The following ZFYVE28 variants were observed in gnomAD, a reference collection of about 807,000 sequenced individuals.
ZFYVE28 encodes the protein lateral signaling target protein 2 homolog.
Under a neutral mutation model 82.1 loss-of-function variants are expected in ZFYVE28, and 40 were observed. That is an observed-to-expected ratio of 0.49 (90% CI 0.38 to 0.63). The LOEUF (loss-of-function observed/expected upper bound fraction) is 0.63, where lower values mean the gene tolerates loss of function less well. Ranked by LOEUF, ZFYVE28 falls within the 30% of genes least tolerant of loss-of-function variation. The probability of loss-of-function intolerance (pLI) is 0.00; values close to 1 mark genes in which losing one functional copy is unlikely to be tolerated. For synonymous variants in ZFYVE28, 612 were observed against 546.1 expected, an observed-to-expected ratio of 1.12 and a Z score of -1.68; for missense variants, 1,321 against 1,242.1, an observed-to-expected ratio of 1.06 and a Z score of -0.96.
In ZFYVE28 at chr4:2,320,073, G is replaced by T; in HGVS notation, c.803+97C>A. ...AGCCCATCCTTCCTCACAGAGAGGA[G>T]GAGGACCTGGAGGCGGCGGCTAAAC... On this transcript the variant is annotated intron_variant, in intron 7 of 12. Transcript: ENST00000290974. This position sits in a 1 kb window ranked among gnomAD's most constrained non-coding sequence, Gnocchi z 5.1. The T allele has an allele frequency of 8.9e-7, 1 of 1,129,480 alleles. No individual in the cohort carries two copies. The highest frequency in any genetic ancestry group is 1.3e-6 in the Non-Finnish European group (1 of 763,898). 70.0% of individuals were successfully genotyped at this position (1,129,480 alleles called of 1,614,324 possible). A position where few individuals can be genotyped will look rare whatever the true frequency, so the allele number is the denominator to read the frequency against.
At position 2,304,498 on chromosome 4, in the gene ZFYVE28, G is replaced by A. The variant is rs1716197531; in HGVS notation, c.1842C>T (p.Pro614=). 1.2e-6 allele frequency: 2 copies of A among 1,612,806 alleles called. No individual in the cohort carries two copies. Among genetic ancestry groups the A allele is most frequent in the Non-Finnish European group, 1.7e-6 (2 of 1,179,640 alleles). ...CGTTGGAGGCATCTTCTGAGGGTGG[G>A]GGCGCCTCCTCCTGTCTCTCAGGGG... The part of the protein sequence containing the change: ...DRAPERQEEA[P]PPSEDASNGR... Residue 614 remains proline (P), a synonymous_variant, in exon 8 of 13, where the codon CCC becomes CCT. Transcript: ENST00000290974.
chr4:2,285,969 C>T (rs763722383), intron 8 of ZFYVE28: 44 of 152,536 alleles, frequency 2.9e-4, no homozygotes, highest in African/African-American at 4.1e-4. Flanking sequence ...CATATTCCTC[C>T]GGTCTCAGGG....
rs755483258 is a variant in ZFYVE28 at position 2,304,777 on chromosome 4, G to C, written c.1563C>G (p.Pro521=). Residue 521 remains proline (P), a synonymous_variant, in exon 8 of 13, where the codon CCC becomes CCG. Transcript: ENST00000290974. ...CAGAGTCCAGGGAAGTGGGCGATTT[G>C]GGGTTGAAGATGACCGTGGCTGAGA... ...MKLSATVIFN[P]KSPTSLDSAV... The C allele has an allele frequency of 8.7e-6, 14 of 1,612,708 alleles. No homozygotes were observed. Among genetic ancestry groups the C allele is most frequent in the Non-Finnish European group, 1.2e-5 (14 of 1,179,966 alleles).
intron 1 of ZFYVE28, among the ~76,000 whole-genome samples, chr4:2,404,175 A>G (rs1048568025): frequency 2.4e-4 from 36 of 151,676 alleles, no homozygotes; most frequent in Non-Finnish European, 2.9e-4. Flanking sequence ...AAAAAAAATT[A>G]TCCAGGCATG....
At chr4:2,403,278 G>A (rs1731394333) in intron 1 of ZFYVE28, among the ~76,000 whole-genome samples, 1 of 152,244 alleles carries the variant, frequency 6.6e-6, no homozygotes, top group East Asian at 1.9e-4. Flanking sequence ...AGGGATCTGA[G>A]ATGGGCAAAG....
chr4:2,401,124 G>A (rs1209650788), intron 1 of ZFYVE28, among the ~76,000 whole-genome samples: 6 of 152,170 alleles, frequency 3.9e-5, no homozygotes, highest in African/African-American at 7.2e-5. Context: ...CAGGTGGGCC[G>A]TCACGAGCCT....
In ZFYVE28 at chr4:2,273,244, C is replaced by T. The variant is rs551017486; in HGVS notation, c.2252G>A (p.Ser751Asn). The T allele has an allele frequency of 1.2e-6, 2 of 1,613,692 alleles. No individual in the cohort carries two copies. The highest frequency in any genetic ancestry group is 1.7e-6 in the Non-Finnish European group (2 of 1,179,890). The change falls in exon 10 of 13, where the codon AGT (serine) becomes AAT (asparagine). Residue 751 changes from serine to asparagine, a missense_variant. By Grantham distance (46) the Ser-to-Asn change is conservative. Transcript: ENST00000290974. ...GACCTCAAACAGTGTTTTAAGAATACTTCTCAGGTCACTGGCATAGTTCGT... is the reference window on the plus strand; with the variant it reads ...GACCTCAAACAGTGTTTTAAGAATATTTCTCAGGTCACTGGCATAGTTCGT... ...LQTNYASDLR[S>N]ILKTLFEVMA... is the part of the protein sequence containing the mutation.
intron 6 of ZFYVE28, among the ~76,000 whole-genome samples, chr4:2,327,727 G>T (rs1030928688): frequency 6.6e-6 from 1 of 151,992 alleles, no homozygotes; most frequent in Non-Finnish European, 1.5e-5. Flanking sequence ...TTAATGTGAT[G>T]TATCACAATT....
chr4:2,390,548 G>A lies in ZFYVE28; in HGVS notation c.39+27737C>T, dbSNP rs927063150. Among the ~76,000 whole-genome samples the A allele has an allele frequency of 4.6e-5, 7 of 152,154 alleles. No homozygotes were observed. In the East Asian group the frequency reaches 7.7e-4, roughly 17 times the overall value. ...CTGACAGAAGCTGGAGAAGCCATCT[G>A]GCAGCGAGGTGACCCGGCCAGGTTT... On this transcript the variant is annotated intron_variant, in intron 1 of 12. Transcript: ENST00000290974.
intron 1 of ZFYVE28, among the ~76,000 whole-genome samples, chr4:2,385,172 G>A (rs1268495099): frequency 2.6e-5 from 4 of 152,168 alleles, no homozygotes; most frequent in South Asian, 2.1e-4. Flanking sequence ...GAATACACCC[G>A]CACTGCTGCC....
Position 2,406,062 on chromosome 4 carries a change from A to AGAAAG in ZFYVE28, c.39+12222_39+12223insCTTTC, listed in dbSNP as rs11451239. Among the ~76,000 whole-genome samples the AGAAAG allele has an allele frequency of 2.6e-3, 331 of 125,034 alleles. 2 individuals carry two copies. Among genetic ancestry groups the AGAAAG allele is most frequent in the Middle Eastern group, 8.8e-3 (2 of 228 alleles). 82.0% of individuals were successfully genotyped at this position (125,034 alleles called of 152,430 possible). A position where few individuals can be genotyped will look rare whatever the true frequency, so the allele number is the denominator to read the frequency against. ...GATTCTGTCTCAAAAAAAAAAAAAA[A>AGAAAG]AAAGAAAGAAAGAAAGGAAAGAAAA... On this transcript the variant is annotated intron_variant, in intron 1 of 12. Transcript: ENST00000290974.
At chr4:2,401,128 C>T (rs1197293506) in intron 1 of ZFYVE28, among the ~76,000 whole-genome samples, 5 of 152,162 alleles carry the variant, frequency 3.3e-5, no homozygotes, top group African/African-American at 1.2e-4. Context: ...TGGGCCGTCA[C>T]GAGCCTCTCC....
intron 7 of ZFYVE28, among the ~76,000 whole-genome samples, chr4:2,317,269 T>G (rs1220089451): frequency 1.3e-5 from 2 of 152,080 alleles, no homozygotes; most frequent in African/African-American, 4.8e-5. Context: ...ATTACAGGAG[T>G]GAGCCACTGT....
intron 1 of ZFYVE28, among the ~76,000 whole-genome samples, chr4:2,399,083 A>AGGTGAGATCCAGGGCACAAGCGTGG (rs1297197658): frequency 0.32 from 37,571 of 117,256 alleles, 12,716 homozygotes; most frequent in Admixed American, 0.42. Flanking sequence ...CACAAGCGTG[A>AGGTGAGATCCAGGGCACAAGCGTGG]AGGTGAGATC....
Position 2,305,124 on chromosome 4 carries a change from C to A in ZFYVE28, c.1216G>T (p.Val406Leu). Residue 406 changes from valine to leucine, a missense_variant, in exon 8 of 13, where the codon GTG becomes TTG. Around this residue, in one of 2 missense-constraint regions of ZFYVE28, gnomAD observed 978 missense variants for 833.7 expected, o/e 1.17. Coordinates refer to ENST00000290974, the MANE Select transcript of ZFYVE28 (RefSeq NM_020972.3). The part of the protein sequence containing the change: ...EEERVFFMDD[V>L]EGTAEALARP... The stretch of plus-strand genomic sequence containing the variant: ...GCCAGGGCTTCTGCCGTCCCCTCCA[C>A]GTCATCCATGAAGAACACGCGCTCC... 6.3e-7 allele frequency: 1 copy of A among 1,593,396 alleles called. No individual in the cohort carries two copies. The highest frequency in any genetic ancestry group is 8.6e-7 in the Non-Finnish European group (1 of 1,168,780).
chr4:2,376,227 T>A (rs1578308985), intron 1 of ZFYVE28, among the ~76,000 whole-genome samples: 1 of 136,628 alleles, frequency 7.3e-6, no homozygotes, highest in Non-Finnish European at 1.6e-5. Flanking sequence ...TTTTTTTTTT[T>A]AATGTGGCTA....
chr4:2,302,771 T>C (rs1715768218), intron 8 of ZFYVE28, among the ~76,000 whole-genome samples: 1 of 152,218 alleles, frequency 6.6e-6, no homozygotes, highest in Admixed American at 6.5e-5. Context: ...GTGAGCGTGA[T>C]TCAGTCATAA....
intron 1 of ZFYVE28, among the ~76,000 whole-genome samples, chr4:2,388,887 A>G (rs1052974326): frequency 4.6e-5 from 7 of 152,108 alleles, no homozygotes; most frequent in Admixed American, 1.3e-4. Context: ...TTCAACCCGA[A>G]ATCTAGGAAC....
chr4:2,401,706 C>A (rs761201152), intron 1 of ZFYVE28, among the ~76,000 whole-genome samples: 2 of 152,210 alleles, frequency 1.3e-5, no homozygotes, highest in Non-Finnish European at 2.9e-5. Flanking sequence ...CCCCTCGCCG[C>A]CCCGCACCGC....
Sources: allele counts gnomAD v4.1 joint callset (sites outside exome capture counted in the v4.1 genomes callset), GRCh38; gene constraint gnomAD v4.1.1; regional missense constraint gnomAD v4.1.1; non-coding constraint Gnocchi (gnomAD v3.1); transcripts MANE v1.5; gene names NCBI Gene and HGNC (gene_info 2026-07-23, HGNC 2026-07-21).